Variants in WDR31 observed in about 807,000 individuals in gnomAD.
The protein encoded by WDR31 is WD repeat-containing protein 31.
A neutral mutation model predicts 47.3 loss-of-function variants in WDR31; 30 were observed. The ratio of observed to expected loss-of-function variants is 0.63; its 90% CI spans 0.47 to 0.86. The LOEUF is 0.86. Ranked by LOEUF, WDR31 falls within the 40% of genes least tolerant of loss-of-function variation. The pLI is 0.00. For missense variants in WDR31, 406 were observed against 442.9 expected, an observed-to-expected ratio of 0.92 and a Z score of 0.75; for synonymous variants, 137 against 159.4, an observed-to-expected ratio of 0.86 and a Z score of 1.06.
intron 5 of WDR31, among the ~76,000 whole-genome samples, chr9:113,323,364 C>T (rs7025208): frequency 0.017 from 2,621 of 152,154 alleles, 75 homozygotes; most frequent in African/African-American, 0.059. Context: ...TGGGTTCAAG[C>T]GATTCTCCTG....
chr9:113,324,008 C>T (rs1182379245), intron 5 of WDR31, among the ~76,000 whole-genome samples: 1 of 151,996 alleles, frequency 6.6e-6, no homozygotes, highest in Non-Finnish European at 1.5e-5. Context: ...TCTTCCTGTT[C>T]TGATCTCTTC....
At chr9:113,333,851 G>C (rs1833655340) in intron 2 of WDR31, among the ~76,000 whole-genome samples, 1 of 152,146 alleles carries the variant, frequency 6.6e-6, no homozygotes, top group African/African-American at 2.4e-5. Context: ...ATTCCTGAGA[G>C]CCTTTCAGGG....
Position 113,332,067 on chromosome 9 carries a change from A to G in WDR31, c.-28-17T>C. On this transcript the variant is annotated splice_polypyrimidine_tract_variant and intron_variant, in intron 2 of 10. Transcript: ENST00000374193. ...TTGTGTTCCCTGTTTAATAAAAAGA[A>G]GAATACATGTTGTTAATTTTGTTAG... The G allele has an allele frequency of 6.5e-7, 1 of 1,542,214 alleles. No homozygotes were observed. The highest frequency in any genetic ancestry group is 2.3e-5 in the East Asian group (1 of 44,300).
chr9:113,317,949 G>A (rs1226856784), intron 10 of WDR31, among the ~76,000 whole-genome samples: 4 of 152,176 alleles, frequency 2.6e-5, no homozygotes, highest in South Asian at 2.1e-4. Context: ...TTTAACAATC[G>A]GCCAGCAGGG....
At chr9:113,321,369 C>T in intron 8 of WDR31, 142 bp downstream of exon 8, 1 of 779,252 alleles carries the variant, frequency 1.3e-6, no homozygotes, top group Admixed American at 2.7e-5. Context: ...CAGAGAGGCC[C>T]CAGCACCAGT....
chr9:113,319,772 C>T (rs971524192), intron 9 of WDR31, among the ~76,000 whole-genome samples: 2 of 152,132 alleles, frequency 1.3e-5, no homozygotes, highest in African/African-American at 2.4e-5. Flanking sequence ...ACTGTGGCCA[C>T]GCCTATAATG....
At chr9:113,328,126 T>C (rs1833517185) in intron 5 of WDR31, among the ~76,000 whole-genome samples, 1 of 152,208 alleles carries the variant, frequency 6.6e-6, no homozygotes, top group Non-Finnish European at 1.5e-5. Context: ...GTAAACAATC[T>C]ATATCTTTAG....
At chr9:113,317,819 G>A (rs199810325) in intron 10 of WDR31, among the ~76,000 whole-genome samples, 1 of 152,206 alleles carries the variant, frequency 6.6e-6, no homozygotes, top group Non-Finnish European at 1.5e-5. Context: ...TTCTGGAAGA[G>A]AAAACACCAC....
At chr9:113,323,250 T>G in intron 5 of WDR31, 95 bp from the exon 6 acceptor site, 1 of 1,408,954 alleles carries the variant, frequency 7.1e-7, no homozygotes, top group Admixed American at 2.2e-5. Context: ...CATAACTCCC[T>G]CCCCACACAC....
intron 7 of WDR31, among the ~76,000 whole-genome samples, chr9:113,322,456 T>TAC (rs1260868744): frequency 1.3e-5 from 2 of 152,112 alleles, no homozygotes; most frequent in African/African-American, 4.8e-5. Context: ...CATATGAACA[T>TAC]ACAATAAGCA....
chr9:113,329,246 G>A (rs1352765700), intron 4 of WDR31, among the ~76,000 whole-genome samples: 1 of 152,190 alleles, frequency 6.6e-6, no homozygotes, highest in African/African-American at 2.4e-5. Flanking sequence ...GATTCCCCTG[G>A]AGGTTCTGAC....
Position 113,318,706 on chromosome 9 carries a change from C to G in WDR31, c.781-69G>C. On this transcript the variant is annotated intron_variant, in intron 9 of 10. Coordinates refer to ENST00000374193, the MANE Select transcript of WDR31 (RefSeq NM_001012361.4). Reference sequence around the variant, plus strand: ...CTTCATCCATGAATATCTATCTCCCCCTACCCCCATGATGCACCTATTCCC... The same window carrying G: ...CTTCATCCATGAATATCTATCTCCCGCTACCCCCATGATGCACCTATTCCC... 1.9e-6 allele frequency: 3 copies of G among 1,553,134 alleles called. No individual in the cohort carries two copies. The South Asian group carries it at 3.4e-5, about 18-fold the overall frequency.
Position 113,316,309 on chromosome 9 carries a change from T to G in WDR31, c.*440A>C, listed in dbSNP as rs1388705403. On this transcript the variant is annotated 3_prime_UTR_variant, in exon 11 of 11. Coordinates refer to ENST00000374193, the MANE Select transcript of WDR31 (RefSeq NM_001012361.4). ...CTGCACTATTCTTTCCCATCTCAAT[T>G]ATTTCTGATGTAACCAAAACACTCT... is the stretch of plus-strand genomic sequence containing the variant. The G allele has an allele frequency of 6.4e-6, 1 of 156,698 alleles. No individual in the cohort carries two copies. The highest frequency in any genetic ancestry group is 1.4e-5 in the Non-Finnish European group (1 of 70,830). The allele number at this position is 156,698 out of a possible 1,614,324, so 9.7% of individuals were successfully genotyped here. A position where few individuals can be genotyped will look rare whatever the true frequency, so the allele number is the denominator to read the frequency against.
In WDR31 at chr9:113,320,357, C is replaced by T. The variant is rs148709910; in HGVS notation, c.780G>A (p.Thr260=). Residue 260 remains threonine, a splice_region_variant and synonymous_variant, in exon 9 of 11, where the codon ACG becomes ACA. Transcript: ENST00000374193. ...NGFGGEGCEA[T]LWDLRQTRNR... ...ACCTGGACCTCACACAGTCTCCTACCGTGGCTTCACAGCCTTCTCCTCCAA... is the reference window on the plus strand; with the variant it reads ...ACCTGGACCTCACACAGTCTCCTACTGTGGCTTCACAGCCTTCTCCTCCAA... The T allele has an allele frequency of 3.8e-5, 62 of 1,613,920 alleles. No individual in the cohort carries two copies. In the African/African-American group the frequency reaches 5.3e-4, roughly 14 times the overall value.
chr9:113,334,619 A>C (rs1191152323), intron 2 of WDR31, among the ~76,000 whole-genome samples: 4 of 150,928 alleles, frequency 2.7e-5, no homozygotes, highest in African/African-American at 9.7e-5. Context: ...AGCCCACTGC[A>C]ACCTCCGTCT....
At chr9:113,332,562 A>G (rs541666952) in intron 2 of WDR31, among the ~76,000 whole-genome samples, 1 of 152,358 alleles carries the variant, frequency 6.6e-6, no homozygotes, top group African/African-American at 2.4e-5. Context: ...TACACAGTTC[A>G]TATTCTATGT....
chr9:113,330,164 G>C (rs1183876463), intron 4 of WDR31, among the ~76,000 whole-genome samples: 2 of 151,898 alleles, frequency 1.3e-5, no homozygotes, highest in African/African-American at 2.4e-5. Flanking sequence ...ACAGTGGCCC[G>C]ATCTCGGCTT....
chr9:113,320,589 T>C (rs1833306313), intron 8 of WDR31, 91 bp from the exon 9 acceptor site: 1 of 1,503,760 alleles, frequency 6.6e-7, no homozygotes, highest in South Asian at 1.3e-5. Context: ...CTTGGCTCTT[T>C]GCTGCATAGG....
intron 2 of WDR31, among the ~76,000 whole-genome samples, chr9:113,333,394 A>C (rs1478277306): frequency 5.8e-4 from 38 of 65,072 alleles, no homozygotes; most frequent in African/African-American, 1.9e-3. Context: ...TTTTTTTTTG[A>C]GACGGAGTCT....
Sources: gnomAD v4.1 joint callset for allele counts (sites outside exome capture counted in the v4.1 genomes callset) on GRCh38, gnomAD v4.1.1 for gene constraint, MANE v1.5 for transcripts, NCBI Gene and HGNC (gene_info 2026-07-23, HGNC 2026-07-21) for gene names.